The following MECOM variants were observed in gnomAD, a reference collection of about 807,000 sequenced individuals.
MECOM encodes the protein histone-lysine N-methyltransferase MECOM.
Under a neutral mutation model 116.3 loss-of-function variants are expected in MECOM, and 13 were observed. The observed-to-expected ratio is 0.11, with a 90% confidence interval of 0.07 to 0.18. The LOEUF is 0.18. Ranked by LOEUF, MECOM falls within the 10% of genes least tolerant of loss-of-function variation. The probability of loss-of-function intolerance (pLI) is 1.00; values close to 1 mark genes in which losing one functional copy is unlikely to be tolerated. For synonymous variants in MECOM, 528 were observed against 535.2 expected (o/e 0.99, Z 0.19); for missense variants, 1,299 against 1,509.0 (o/e 0.86, Z 2.31).
chr3:169,098,888 A>C (rs1185243821), intron 12 of MECOM, among the ~76,000 whole-genome samples: 1 of 152,166 alleles, frequency 6.6e-6, no homozygotes, highest in Non-Finnish European at 1.5e-5. Context: ...AAGATAGTAC[A>C]TAGTACCCAT....
chr3:169,555,529 G>A (rs1175125129), intron 1 of MECOM, among the ~76,000 whole-genome samples: 1 of 152,152 alleles, frequency 6.6e-6, no homozygotes, highest in African/African-American at 2.4e-5. Flanking sequence ...AATCCAAACA[G>A]GGGTCTAACA....
chr3:169,535,664 T>C (rs1759264107), intron 1 of MECOM, among the ~76,000 whole-genome samples: 1 of 152,218 alleles, frequency 6.6e-6, no homozygotes, highest in South Asian at 2.1e-4. Context: ...AACTTCTTCC[T>C]TTATTTATAG....
chr3:169,170,627 T>G (rs538429771), intron 2 of MECOM, among the ~76,000 whole-genome samples: 1 of 152,198 alleles, frequency 6.6e-6, no homozygotes, highest in South Asian at 2.1e-4. Flanking sequence ...TTCTCTAGTC[T>G]ACATTATGAG....
intron 2 of MECOM, among the ~76,000 whole-genome samples, chr3:169,325,197 G>A (rs1721639613): frequency 2.0e-5 from 3 of 152,258 alleles, no homozygotes; most frequent in South Asian, 4.1e-4. Context: ...ACAGCTACGG[G>A]TCCGCTTGTT....
chr3:169,593,695 A>G (rs374253325), intron 1 of MECOM, among the ~76,000 whole-genome samples: 1 of 152,192 alleles, frequency 6.6e-6, no homozygotes, highest in Non-Finnish European at 1.5e-5. Context: ...GACAATGAGA[A>G]AGATATAAAA....
intron 1 of MECOM, among the ~76,000 whole-genome samples, chr3:169,578,762 A>G (rs1764789419): frequency 6.6e-6 from 1 of 152,216 alleles, no homozygotes; most frequent in South Asian, 2.1e-4. Flanking sequence ...TTACAAGCGT[A>G]CACAAAAGGG....
At chr3:169,593,928 G>A (rs565916239) in intron 1 of MECOM, among the ~76,000 whole-genome samples, 1 of 152,160 alleles carries the variant, frequency 6.6e-6, no homozygotes, top group South Asian at 2.1e-4. Context: ...AGATCAGCTT[G>A]GTCAACATAG....
At chr3:169,263,127 A>T (rs71627300) in intron 2 of MECOM, among the ~76,000 whole-genome samples, 497 of 19,490 alleles carry the variant, frequency 0.026, 21 homozygotes, top group African/African-American at 0.09. Flanking sequence ...ATATATATAT[A>T]TGTTTTTTTT....
intron 1 of MECOM, among the ~76,000 whole-genome samples, chr3:169,393,096 T>C (rs556325780): frequency 4.6e-5 from 7 of 152,122 alleles, no homozygotes; most frequent in Admixed American, 1.3e-4. Context: ...AGAAGTTCTA[T>C]TGTGAATAGG....
chr3:169,100,096 T>C (rs1203219285), intron 12 of MECOM, among the ~76,000 whole-genome samples: 1 of 103,976 alleles, frequency 9.6e-6, no homozygotes, highest in Non-Finnish European at 1.8e-5. Context: ...TTTCTTTCTT[T>C]CTTTCTTTTT....
intron 2 of MECOM, among the ~76,000 whole-genome samples, chr3:169,233,916 A>T (rs914100035): frequency 2.0e-5 from 3 of 152,092 alleles, no homozygotes; most frequent in Admixed American, 2.0e-4. Context: ...GTTGCTGCTT[A>T]TCAGTTTTTT....
At chr3:169,122,086 A>G (rs993590879) in intron 6 of MECOM, among the ~76,000 whole-genome samples, 3 of 152,192 alleles carry the variant, frequency 2.0e-5, no homozygotes, top group Admixed American at 6.5e-5. Context: ...CAGCACTGAC[A>G]GAGGCTCTAT....
chr3:169,378,642 T>C (rs931717303), intron 2 of MECOM, among the ~76,000 whole-genome samples: 1 of 151,170 alleles, frequency 6.6e-6, no homozygotes, highest in African/African-American at 2.4e-5. Context: ...TTAGACATGG[T>C]TGATATGGGA....
chr3:169,598,418 A>C (rs1238210208), intron 1 of MECOM, among the ~76,000 whole-genome samples: 1 of 152,236 alleles, frequency 6.6e-6, no homozygotes, highest in African/African-American at 2.4e-5. Flanking sequence ...ACATACAAAA[A>C]AGATTCAATC....
In MECOM at chr3:169,116,165, G is replaced by T. The variant is rs141081950; in HGVS notation, c.1707C>A (p.Pro569=). The T allele has an allele frequency of 2.0e-3, 3,152 of 1,614,114 alleles. 6 individuals are homozygous for T. The Middle Eastern group carries it at 0.021, about 11-fold the overall frequency. The change falls in exon 8 of 17, where the codon CCC becomes CCA. Residue 569 remains proline, a synonymous_variant. Coordinates refer to ENST00000651503, the MANE Select transcript of MECOM (RefSeq NM_004991.4). ...CTGACTGGTCACTGATTTTCTCAAA[G>T]GGCCTCTCTTCAGAGGACCTCTCGG... ...LQPERSSEER[P]FEKISDQSES...
chr3:169,362,114 C>A (rs568554977), intron 2 of MECOM, among the ~76,000 whole-genome samples: 1 of 151,852 alleles, frequency 6.6e-6, no homozygotes, highest in Admixed American at 6.6e-5. Flanking sequence ...AACTTGTATT[C>A]TTCTCAAAAC....
At chr3:169,379,607 T>C (rs909210318) in intron 2 of MECOM, among the ~76,000 whole-genome samples, 8 of 152,108 alleles carry the variant, frequency 5.3e-5, no homozygotes, top group Admixed American at 3.9e-4. Flanking sequence ...CACCAATCCA[T>C]AGGTATTATG....
At chr3:169,514,804 C>T (rs1208068885) in intron 1 of MECOM, among the ~76,000 whole-genome samples, 4 of 152,158 alleles carry the variant, frequency 2.6e-5, no homozygotes, top group Non-Finnish European at 5.9e-5. Flanking sequence ...CTTGGGTTCT[C>T]CTATGTGTCA....
chr3:169,087,649 C>G (rs1182626823), intron 16 of MECOM, among the ~76,000 whole-genome samples: 5 of 151,524 alleles, frequency 3.3e-5, no homozygotes, highest in Non-Finnish European at 5.9e-5. Context: ...CTCAAGTTAT[C>G]TCTAATCAAC....
Sources: allele counts gnomAD v4.1 joint callset (sites outside exome capture counted in the v4.1 genomes callset), GRCh38; gene constraint gnomAD v4.1.1; transcripts MANE v1.5; gene names NCBI Gene and HGNC (gene_info 2026-07-23, HGNC 2026-07-21).